The following GLTP variants were observed in gnomAD, a reference collection of about 807,000 sequenced individuals.
The protein encoded by GLTP is glycolipid transfer protein.
A neutral mutation model predicts 24.0 loss-of-function variants in GLTP; 22 were observed. That is an observed-to-expected ratio of 0.92 (90% CI 0.65 to 1.31). The LOEUF (loss-of-function observed/expected upper bound fraction) is 1.31. Ranked by LOEUF, GLTP falls within the 50% of genes most tolerant of loss-of-function variation. The probability of loss-of-function intolerance (pLI) is 0.00; values close to 1 mark genes in which losing one functional copy is unlikely to be tolerated. For synonymous variants in GLTP, 92 were observed against 115.9 expected (o/e 0.79, Z 1.33); for missense variants, 224 against 276.6 (o/e 0.81, Z 1.35).
intron 4 of GLTP, among the ~76,000 whole-genome samples, chr12:109,853,749 T>TA (rs1462468127): frequency 1.6e-4 from 24 of 151,582 alleles, no homozygotes; most frequent in African/African-American, 5.3e-4. Context: ...AAATATTATT[T>TA]AAAAAATTTT....
intron 4 of GLTP, among the ~76,000 whole-genome samples, chr12:109,853,609 A>G (rs1892755800): frequency 6.7e-6 from 1 of 148,654 alleles, no homozygotes; most frequent in Non-Finnish European, 1.5e-5. Context: ...AATTGCTTGA[A>G]CCCGGGAGGC....
At chr12:109,871,913 C>T (rs1167312097) in intron 1 of GLTP, among the ~76,000 whole-genome samples, 2 of 152,186 alleles carry the variant, frequency 1.3e-5, no homozygotes, top group Non-Finnish European at 2.9e-5. Context: ...GAGGGCTGTC[C>T]CTCCAAGCAT....
chr12:109,854,553 T>G (rs1892772097), intron 4 of GLTP, among the ~76,000 whole-genome samples: 2 of 152,172 alleles, frequency 1.3e-5, no homozygotes, highest in Non-Finnish European at 2.9e-5. Context: ...GCCCCCCATT[T>G]CTGTGTTGTG....
intron 4 of GLTP, among the ~76,000 whole-genome samples, chr12:109,853,294 G>A (rs576358815): frequency 2.0e-5 from 3 of 152,032 alleles, no homozygotes; most frequent in Admixed American, 6.6e-5. Flanking sequence ...TTAGGGGGGC[G>A]ATACTTCCCT....
intron 1 of GLTP, among the ~76,000 whole-genome samples, chr12:109,866,743 A>G (rs2136046680): frequency 6.7e-6 from 1 of 149,072 alleles, no homozygotes; most frequent in East Asian, 2.0e-4. Flanking sequence ...TAGGACAACT[A>G]GACAGCTTTG....
intron 1 of GLTP, among the ~76,000 whole-genome samples, chr12:109,864,671 CA>C (rs1868471960): frequency 6.6e-6 from 1 of 152,064 alleles, no homozygotes; most frequent in Non-Finnish European, 1.5e-5. Context: ...ATTCCAGAGC[CA>C]AAGCTGCTTC....
rs1181742318 is a variant in GLTP, at chr12:109,851,102, C to T, written c.*1453G>A. On this transcript the variant is annotated 3_prime_UTR_variant, in exon 5 of 5. Transcript: ENST00000318348. Reference sequence around the variant, plus strand: ...CTTTAAAAAATACAGCTCTTTTTAGCGCCAGGAAGAACAGTTAAGGTTAAG... The same window carrying T: ...CTTTAAAAAATACAGCTCTTTTTAGTGCCAGGAAGAACAGTTAAGGTTAAG... 6.6e-6 allele frequency: 1 copy of T among 152,520 alleles called. No individual in the cohort carries two copies. The allele number at this position is 152,520 out of a possible 1,614,324, so 9.4% of individuals were successfully genotyped here. A position where few individuals can be genotyped will look rare whatever the true frequency, so the allele number is the denominator to read the frequency against.
intron 1 of GLTP, among the ~76,000 whole-genome samples, chr12:109,875,494 G>A (rs902066464): frequency 6.6e-6 from 1 of 152,166 alleles, no homozygotes; most frequent in African/African-American, 2.4e-5. Flanking sequence ...TCAAGAACTA[G>A]ATGATACCTA....
intron 1 of GLTP, among the ~76,000 whole-genome samples, chr12:109,872,749 A>C (rs1432257278): frequency 6.6e-6 from 1 of 152,198 alleles, no homozygotes; most frequent in African/African-American, 2.4e-5. Context: ...TCTTCCTCCA[A>C]CAAGACATTA....
At chr12:109,870,402 G>A (rs1229999595) in intron 1 of GLTP, among the ~76,000 whole-genome samples, 2 of 151,894 alleles carry the variant, frequency 1.3e-5, no homozygotes, top group African/African-American at 4.8e-5. Context: ...GGGGGAGGGT[G>A]GAGGTTGCAG....
At chr12:109,860,694 G>A (rs1383221024) in intron 1 of GLTP, among the ~76,000 whole-genome samples, 3 of 151,964 alleles carry the variant, frequency 2.0e-5, no homozygotes, top group African/African-American at 4.8e-5. Context: ...ATAATATGTC[G>A]GAGCATCATA....
chr12:109,875,633 T>TGG (rs937605217), intron 1 of GLTP, among the ~76,000 whole-genome samples: 1 of 152,228 alleles, frequency 6.6e-6, no homozygotes, highest in African/African-American at 2.4e-5. Flanking sequence ...ATCTGATTAC[T>TGG]GGGTCAAGGT....
At position 109,855,936 on chromosome 12, in the gene GLTP, C is replaced by A. The variant is rs1287830578; in HGVS notation, c.297-167G>T. Among the ~76,000 whole-genome samples, 1 of 151,994 alleles carries A rather than the reference C, an allele frequency of 6.6e-6. No homozygotes were observed. The highest frequency in any genetic ancestry group is 1.5e-5 in the Non-Finnish European group (1 of 67,976). ...CCCTTCTGCTTACAAGTAACGTGAC[C>A]ACTTGGCTCCATTGACTATCTCCCG... On this transcript the variant is annotated intron_variant, in intron 3 of 4. Transcript: ENST00000318348. The surrounding 1 kb of genome is among the most constrained non-coding windows in gnomAD (Gnocchi z 4.1).
At chr12:109,864,276 A>C (rs1868452721) in intron 1 of GLTP, among the ~76,000 whole-genome samples, 2 of 152,218 alleles carry the variant, frequency 1.3e-5, no homozygotes, top group Non-Finnish European at 2.9e-5. Flanking sequence ...CTCTGTATGC[A>C]TCTCTGTGTT....
At chr12:109,860,982 G>A (rs546482627) in intron 1 of GLTP, among the ~76,000 whole-genome samples, 2 of 152,240 alleles carry the variant, frequency 1.3e-5, no homozygotes, top group East Asian at 1.9e-4. Context: ...TCCTTGTTGC[G>A]GTCCAGAAAA....
At chr12:109,856,620 T>A (rs1892799702) in intron 3 of GLTP, among the ~76,000 whole-genome samples, 1 of 151,946 alleles carries the variant, frequency 6.6e-6, no homozygotes, top group African/African-American at 2.4e-5. Flanking sequence ...GCTGCTCTGC[T>A]CCCTCCCTGC....
intron 1 of GLTP, among the ~76,000 whole-genome samples, chr12:109,868,800 T>C (rs1173154835): frequency 6.6e-6 from 1 of 152,204 alleles, no homozygotes; most frequent in Non-Finnish European, 1.5e-5. Flanking sequence ...AGGATCATAA[T>C]GGAAGACACT....
Position 109,855,156 on chromosome 12 carries a change from C to A in GLTP, c.447+463G>T, listed in dbSNP as rs939360060. Among the ~76,000 whole-genome samples, 1 of 152,206 alleles carries A rather than the reference C, an allele frequency of 6.6e-6. No individual in the cohort carries two copies. Among genetic ancestry groups the A allele is most frequent in the Non-Finnish European group, 1.5e-5 (1 of 68,024 alleles). ...GGTGCTGAAGCCTCACCTCCAGGAG[C>A]CCTGGCCAATGTCACCCCAACACAA... On this transcript the variant is annotated intron_variant, in intron 4 of 4. Transcript: ENST00000318348. This position sits in a 1 kb window ranked among gnomAD's most constrained non-coding sequence, Gnocchi z 4.1.
chr12:109,877,489 G>C (rs1279421176), intron 1 of GLTP, among the ~76,000 whole-genome samples: 3 of 152,114 alleles, frequency 2.0e-5, no homozygotes, highest in African/African-American at 7.2e-5. Context: ...GATAGTTTAG[G>C]TTGTCACAAT....
Sources: gnomAD v4.1 joint callset for allele counts (sites outside exome capture counted in the v4.1 genomes callset) on GRCh38, gnomAD v4.1.1 for gene constraint, Gnocchi (gnomAD v3.1) non-coding constraint, MANE v1.5 for transcripts, NCBI Gene and HGNC (gene_info 2026-07-23, HGNC 2026-07-21) for gene names.